The following DLC1 variants were observed in gnomAD, a reference collection of about 807,000 sequenced individuals.
DLC1 encodes DLC1 Rho GTPase activating protein.
DLC1 carries 54 observed loss-of-function variants against 140.3 expected under a neutral mutation model. That is an observed-to-expected ratio of 0.38 (90% CI 0.31 to 0.48). DLC1 has a LOEUF of 0.48. Ranked by LOEUF, DLC1 falls within the 20% of genes least tolerant of loss-of-function variation. The pLI is 0.96. For synonymous variants in DLC1, 986 were observed against 728.1 expected, an observed-to-expected ratio of 1.35 and a Z score of -5.70; for missense variants, 2,536 against 1,907.0, an observed-to-expected ratio of 1.33 and a Z score of -6.14.
intron 5 of DLC1, among the ~76,000 whole-genome samples, chr8:13,246,425 A>C (rs540342995): frequency 6.6e-6 from 1 of 152,332 alleles, no homozygotes; most frequent in East Asian, 1.9e-4. Flanking sequence ...TGAAGTTATT[A>C]ATGTTTCAAC....
intron 5 of DLC1, among the ~76,000 whole-genome samples, chr8:13,190,852 A>G (rs1045955134): frequency 3.3e-5 from 5 of 152,090 alleles, no homozygotes; most frequent in African/African-American, 7.2e-5. Flanking sequence ...TGTGGGGGGA[A>G]GTTGAAGGAG....
intron 5 of DLC1, among the ~76,000 whole-genome samples, chr8:13,162,991 A>G (rs1824833958): frequency 6.6e-6 from 1 of 152,164 alleles, no homozygotes; most frequent in Non-Finnish European, 1.5e-5. Context: ...ATCTTTCCTA[A>G]AGTCATTGCC....
intron 1 of DLC1, among the ~76,000 whole-genome samples, chr8:13,551,990 T>C (rs1359631528): frequency 1.4e-5 from 2 of 145,390 alleles, no homozygotes; most frequent in Non-Finnish European, 3.0e-5. Context: ...TGTGTATATA[T>C]ATGTGTGTGT....
At chr8:13,353,692 A>C (rs888188934) in intron 4 of DLC1, among the ~76,000 whole-genome samples, 1 of 152,024 alleles carries the variant, frequency 6.6e-6, no homozygotes, top group Admixed American at 6.6e-5. Context: ...CCCTGTCTCT[A>C]ATTAAAATAT....
intron 5 of DLC1, among the ~76,000 whole-genome samples, chr8:13,147,029 A>T (rs979791908): frequency 6.6e-6 from 1 of 152,186 alleles, no homozygotes; most frequent in Non-Finnish European, 1.5e-5. Context: ...AATGAAATCA[A>T]TCAGCTCACA....
At chr8:13,580,791 A>C (rs1472876515) in intron 1 of DLC1, among the ~76,000 whole-genome samples, 1 of 152,208 alleles carries the variant, frequency 6.6e-6, no homozygotes, top group African/African-American at 2.4e-5. Flanking sequence ...CCCACACACC[A>C]GGAGGGTATG....
chr8:13,408,019 T>C (rs1468854873), intron 2 of DLC1, among the ~76,000 whole-genome samples: 3 of 152,222 alleles, frequency 2.0e-5, no homozygotes, highest in African/African-American at 7.2e-5. Context: ...AAGATTTTCA[T>C]GTAAATTGAC....
At chr8:13,342,965 TTG>T (rs1834147076) in intron 4 of DLC1, among the ~76,000 whole-genome samples, 1 of 152,150 alleles carries the variant, frequency 6.6e-6, no homozygotes, top group Non-Finnish European at 1.5e-5. Flanking sequence ...AGACTGTCTT[TTG>T]TGTGACTTGG....
intron 1 of DLC1, among the ~76,000 whole-genome samples, chr8:13,549,343 A>C: frequency 6.6e-6 from 1 of 152,138 alleles, no homozygotes; most frequent in Middle Eastern, 3.2e-3. Flanking sequence ...TTAGGAGCTC[A>C]TTATCCCAAG....
chr8:13,102,434 C>T (rs1819173563), intron 8 of DLC1, among the ~76,000 whole-genome samples: 1 of 152,126 alleles, frequency 6.6e-6, no homozygotes, highest in African/African-American at 2.4e-5. Flanking sequence ...TTTGGGAAGA[C>T]AGAAGAGTTG....
Position 13,401,568 on chromosome 8 carries a change from T to C in DLC1, c.1075A>G (p.Ile359Val), listed in dbSNP as rs749617388. The change falls in exon 3 of 18, where the codon ATT becomes GTT. Residue 359 changes from isoleucine (I) to valine (V), a missense_variant. Physicochemically the swap from Ile to Val is conservative, Grantham distance 29. Transcript: ENST00000276297. Reference protein sequence around the residue: ...RARLDSMVLLIMKLDQLDQDI... With the variant: ...RARLDSMVLLVMKLDQLDQDI... Reference sequence around the variant, plus strand: ...TGATCAAGCTGGTCCAGTTTCATAATCAGCAGCACCATGGAGTCCAGCCGC... The same window carrying C: ...TGATCAAGCTGGTCCAGTTTCATAACCAGCAGCACCATGGAGTCCAGCCGC... The C allele has an allele frequency of 1.9e-6, 3 of 1,613,736 alleles. No individual in the cohort carries two copies. The highest frequency in any genetic ancestry group is 2.5e-6 in the Non-Finnish European group (3 of 1,180,016).
At chr8:13,426,555 T>G (rs1838590601) in intron 2 of DLC1, among the ~76,000 whole-genome samples, 1 of 152,204 alleles carries the variant, frequency 6.6e-6, no homozygotes, top group Admixed American at 6.5e-5. Flanking sequence ...TCTCACCCTG[T>G]GCCATCTTTT....
chr8:13,362,754 C>G (rs1261504323), intron 4 of DLC1, among the ~76,000 whole-genome samples: 2 of 152,030 alleles, frequency 1.3e-5, no homozygotes, highest in Admixed American at 1.3e-4. Flanking sequence ...CCACACTGGC[C>G]CCTTCCCGTT....
chr8:13,443,181 A>G (rs1798612206), intron 2 of DLC1, among the ~76,000 whole-genome samples: 1 of 148,270 alleles, frequency 6.7e-6, no homozygotes, highest in Non-Finnish European at 1.5e-5. Flanking sequence ...AGGAAGGGAA[A>G]CATCAGACAC....
At chr8:13,478,952 G>C (rs1167646631) in intron 2 of DLC1, among the ~76,000 whole-genome samples, 1 of 152,138 alleles carries the variant, frequency 6.6e-6, no homozygotes, top group Admixed American at 6.6e-5. Flanking sequence ...GTTTTCTTCT[G>C]GTCTACTTGG....
At position 13,100,187 on chromosome 8, in the gene DLC1, G is replaced by C. The variant is rs199759496; in HGVS notation, c.2150C>G (p.Ser717Cys). The C allele has an allele frequency of 7.4e-5, 120 of 1,613,920 alleles. No individual in the cohort carries two copies. Among genetic ancestry groups the C allele is most frequent in the Admixed American group, 4.5e-4 (27 of 59,998 alleles). Residue 717 changes from serine (S) to cysteine (C), a missense_variant, in exon 9 of 18, where the codon TCC becomes TGC. Coordinates refer to ENST00000276297, the MANE Select transcript of DLC1 (RefSeq NM_182643.3). ...KLKQLNCVEISALNGNRINVP... is the reference protein window; with the variant it reads ...KLKQLNCVEICALNGNRINVP... Reference sequence around the variant, plus strand: ...GTTGATGCGGTTGCCATTGAGGGCGGAGATCTCCACGCAGTTGAGCTGCTT... The same window carrying C: ...GTTGATGCGGTTGCCATTGAGGGCGCAGATCTCCACGCAGTTGAGCTGCTT...
intron 5 of DLC1, among the ~76,000 whole-genome samples, chr8:13,127,002 A>G (rs1228905873): frequency 6.6e-6 from 1 of 152,224 alleles, no homozygotes; most frequent in Non-Finnish European, 1.5e-5. Flanking sequence ...AAAATATGGC[A>G]GGTACTTGTT....
intron 5 of DLC1, among the ~76,000 whole-genome samples, chr8:13,302,732 A>G (rs975520925): frequency 6.7e-6 from 1 of 150,224 alleles, no homozygotes; most frequent in Non-Finnish European, 1.5e-5. Flanking sequence ...AAAAAATGAC[A>G]GGCCTTAGGG....
chr8:13,534,114 C>A (rs1397463413), intron 1 of DLC1, among the ~76,000 whole-genome samples: 1 of 152,100 alleles, frequency 6.6e-6, no homozygotes, highest in African/African-American at 2.4e-5. Flanking sequence ...CTCTAATTTC[C>A]CTCCAATCTG....
Sources: gnomAD v4.1 joint callset for allele counts (sites outside exome capture counted in the v4.1 genomes callset) on GRCh38, gnomAD v4.1.1 for gene constraint, MANE v1.5 for transcripts, NCBI Gene and HGNC (gene_info 2026-07-23, HGNC 2026-07-21) for gene names.